SPINK4: variants seen among roughly 807,000 people sequenced by gnomAD.
SPINK4 encodes serine protease inhibitor Kazal-type 4.
Under a neutral mutation model 12.3 loss-of-function variants are expected in SPINK4, and 10 were observed. The ratio of observed to expected loss-of-function variants is 0.81; its 90% CI spans 0.50 to 1.37. The LOEUF is 1.37. Among genes scored for constraint, SPINK4 ranks in the 40% most tolerant of loss-of-function variants. The pLI is 0.00. For synonymous variants in SPINK4, 37 were observed against 40.2 expected, an observed-to-expected ratio of 0.92 and a Z score of 0.30; for missense variants, 91 against 109.0, an observed-to-expected ratio of 0.84 and a Z score of 0.73.
intron 3 of SPINK4, 137 bp downstream of exon 3, chr9:33,246,865 T>A: frequency 1.5e-6 from 1 of 673,822 alleles, no homozygotes; most frequent in South Asian, 1.7e-5. Context: ...ATGCCCCTAA[T>A]AGAATGAGTG....
chr9:33,243,373 C>T (rs1820258155), intron 1 of SPINK4, among the ~76,000 whole-genome samples: 1 of 152,030 alleles, frequency 6.6e-6, no homozygotes, highest in Non-Finnish European at 1.5e-5. Flanking sequence ...GCAACCTGCC[C>T]TCATTGTTAA....
At chr9:33,242,320 C>T (rs1820245389) in intron 1 of SPINK4, among the ~76,000 whole-genome samples, 1 of 152,020 alleles carries the variant, frequency 6.6e-6, no homozygotes, top group South Asian at 2.1e-4. Context: ...AAGCCTCCAT[C>T]CAGATCTGCT....
chr9:33,248,308 A>G (rs1252503174), intron 3 of SPINK4, 118 bp from the exon 4 acceptor site: 1 of 999,072 alleles, frequency 1.0e-6, no homozygotes, highest in Non-Finnish European at 1.5e-6. Flanking sequence ...CCCTGTATCC[A>G]TACACTGCAT....
rs1397088636 is a variant in SPINK4, at chr9:33,246,687, G to A, written c.174G>A (p.Gly58=). ...QMSNLVCGTD[G]LTYTNECQLC... ...CCAACCTGGTCTGCGGCACTGATGG[G>A]CTCACATATACGAATGAATGCCAGC... is the stretch of plus-strand genomic sequence containing the variant. Residue 58 remains glycine (G), a synonymous_variant, in exon 3 of 4, where the codon GGG becomes GGA. Coordinates refer to ENST00000379721, the MANE Select transcript of SPINK4 (RefSeq NM_014471.3). 17 of 1,614,006 alleles carry A rather than the reference G, an allele frequency of 1.1e-5. No individual in the cohort carries two copies. The highest frequency in any genetic ancestry group is 1.4e-5 in the Non-Finnish European group (17 of 1,180,006).
At chr9:33,244,524 T>C (rs1025848810) in intron 1 of SPINK4, among the ~76,000 whole-genome samples, 7 of 152,118 alleles carry the variant, frequency 4.6e-5, no homozygotes, top group African/African-American at 1.7e-4. Context: ...ATCAGGCCCT[T>C]TGTAACCACA....
At position 33,245,077 on chromosome 9, in the gene SPINK4, C is replaced by T. The variant is rs369454201; in HGVS notation, c.62-35C>T. ...GACCCCTAGACCTGGGGTCTAGAGC[C>T]GGCATAATCTAATTCTTGCTTCTTT... On this transcript the variant is annotated intron_variant, in intron 1 of 3. Transcript: ENST00000379721. The T allele has an allele frequency of 1.8e-4, 282 of 1,609,508 alleles. 1 individual carries two copies. The South Asian group carries it at 2.3e-3, about 13-fold the overall frequency.
At chr9:33,240,564 G>A (rs1197612199) in intron 1 of SPINK4, among the ~76,000 whole-genome samples, 1 of 152,184 alleles carries the variant, frequency 6.6e-6, no homozygotes, top group Non-Finnish European at 1.5e-5. Flanking sequence ...AGCAACTATT[G>A]GGCTGGAGGC....
intron 2 of SPINK4, among the ~76,000 whole-genome samples, chr9:33,245,706 A>G (rs1820278506): frequency 6.6e-6 from 1 of 152,224 alleles, no homozygotes; most frequent in Non-Finnish European, 1.5e-5. Context: ...TGGAATGAGG[A>G]GGCTCGGAGC....
intron 1 of SPINK4, among the ~76,000 whole-genome samples, chr9:33,243,045 T>A (rs1820252649): frequency 6.6e-6 from 1 of 151,956 alleles, no homozygotes. Flanking sequence ...TCAGCTAATT[T>A]AAAAATTTTT....
At chr9:33,248,171 A>C in intron 3 of SPINK4, 1 of 531,806 alleles carries the variant, frequency 1.9e-6, no homozygotes, top group Non-Finnish European at 3.4e-6. Context: ...TCCGAGCTGG[A>C]GACAGATTTG....
chr9:33,243,490 T>C (rs533646791), intron 1 of SPINK4, among the ~76,000 whole-genome samples: 76 of 152,328 alleles, frequency 5.0e-4, no homozygotes, highest in Admixed American at 9.8e-4. Context: ...TTTTCCATCA[T>C]AGATTAGTTG....
intron 3 of SPINK4, chr9:33,248,205 G>A (rs1820305083): frequency 3.5e-6 from 2 of 567,468 alleles, no homozygotes; most frequent in Admixed American, 3.1e-5. Flanking sequence ...TGCGCTGGTG[G>A]TGGAAACCCC....
Position 33,247,167 on chromosome 9 carries a change from T to C in SPINK4, c.215+439T>C, listed in dbSNP as rs1446322266. Among the ~76,000 whole-genome samples, 377 of 150,344 alleles carry C rather than the reference T, an allele frequency of 2.5e-3. 2 individuals are homozygous for C. Among genetic ancestry groups the C allele is most frequent in the African/African-American group, 8.8e-3 (360 of 41,042 alleles). On this transcript the variant is annotated intron_variant, in intron 3 of 3. Transcript: ENST00000379721. ...AGCCAATTGCAGCACAGAATTTTTT[T>C]TTTTTTTTTTTGAGACAGACTCTCA...
At chr9:33,241,068 G>A (rs1011505275) in intron 1 of SPINK4, among the ~76,000 whole-genome samples, 7 of 152,308 alleles carry the variant, frequency 4.6e-5, no homozygotes, top group Admixed American at 6.5e-5. Context: ...CTGAGAGTCC[G>A]ATGTTTGAGC....
At chr9:33,241,684 T>C (rs1820235969) in intron 1 of SPINK4, among the ~76,000 whole-genome samples, 1 of 68,808 alleles carries the variant, frequency 1.5e-5, no homozygotes, top group Non-Finnish European at 2.5e-5. Flanking sequence ...TTTTTGTTTG[T>C]TTGTTTTTGT....
intron 1 of SPINK4, among the ~76,000 whole-genome samples, chr9:33,241,836 A>G (rs561527803): frequency 2.0e-5 from 3 of 152,166 alleles, no homozygotes; most frequent in African/African-American, 7.2e-5. Flanking sequence ...TAGAGTTCTG[A>G]ACACCCCCTC....
intron 2 of SPINK4, among the ~76,000 whole-genome samples, chr9:33,245,712 G>C (rs77745023): frequency 0.023 from 3,471 of 152,266 alleles, 153 homozygotes; most frequent in African/African-American, 0.079. Context: ...GAGGAGGCTC[G>C]GAGCCACCTT....
At position 33,240,192 on chromosome 9, in the gene SPINK4, A is replaced by G. The variant is rs1347497005; in HGVS notation, c.-17A>G. On this transcript the variant is annotated 5_prime_UTR_variant, in exon 1 of 4. Coordinates refer to ENST00000379721, the MANE Select transcript of SPINK4 (RefSeq NM_014471.3). ...GCAGGCCCCAGCCAGCTCAGGCTACACTATCCCAGGATCAGCATGGCCGTC... is the reference window on the plus strand; with the variant it reads ...GCAGGCCCCAGCCAGCTCAGGCTACGCTATCCCAGGATCAGCATGGCCGTC... 2.5e-6 allele frequency: 4 copies of G among 1,598,030 alleles called. No homozygotes were observed. Among genetic ancestry groups the G allele is most frequent in the Non-Finnish European group, 3.4e-6 (4 of 1,172,838 alleles).
chr9:33,246,787 T>C, intron 3 of SPINK4, 59 bp downstream of exon 3: 1 of 1,488,000 alleles, frequency 6.7e-7, no homozygotes, highest in South Asian at 1.1e-5. Context: ...GTGCACAGTC[T>C]GAAAGGAGCA....
Sources: gnomAD v4.1 joint callset for allele counts (sites outside exome capture counted in the v4.1 genomes callset) on GRCh38, gnomAD v4.1.1 for gene constraint, MANE v1.5 for transcripts, NCBI Gene and HGNC (gene_info 2026-07-23, HGNC 2026-07-21) for gene names.